The following OSBPL3 variants were observed in gnomAD, a reference collection of about 807,000 sequenced individuals.
The protein encoded by OSBPL3 is oxysterol-binding protein-related protein 3.
A neutral mutation model predicts 120.1 loss-of-function variants in OSBPL3; 65 were observed. The observed-to-expected ratio is 0.54, with a 90% CI of 0.44 to 0.67. The LOEUF (loss-of-function observed/expected upper bound fraction) is 0.67, where lower values mean the gene tolerates loss of function less well. OSBPL3 is among the 30% of genes least tolerant of loss of function. The pLI is 0.00. For missense variants in OSBPL3, 1,004 were observed against 1,082.1 expected (o/e 0.93, Z 1.01); for synonymous variants, 416 against 402.6 (o/e 1.03, Z -0.40).
chr7:24,875,942 T>C (rs192475384), intron 2 of OSBPL3, among the ~76,000 whole-genome samples: 58 of 152,288 alleles, frequency 3.8e-4, no homozygotes, highest in Admixed American at 3.8e-3. Flanking sequence ...GAAAGAATAC[T>C]AGCCCAGGAC....
chr7:24,834,432 C>T lies in OSBPL3; in HGVS notation c.1746+54G>A. 1 of 1,567,228 alleles carries T rather than the reference C, an allele frequency of 6.4e-7. No homozygotes were observed. Among genetic ancestry groups the T allele is most frequent in the Admixed American group, 1.9e-5 (1 of 53,662 alleles). ...CTCTCTGATGGGCCCCGTGAATGGC[C>T]TCGTGGCTTGGGGACCGAGGCTGGA... On this transcript the variant is annotated intron_variant, in intron 15 of 22. Transcript: ENST00000313367. The surrounding 1 kb of genome is among the most constrained non-coding windows in gnomAD (Gnocchi z 5.2).
Position 24,815,028 on chromosome 7 carries a change from G to C in OSBPL3, c.2172+31C>G. 1 of 1,610,568 alleles carries C rather than the reference G, an allele frequency of 6.2e-7. No homozygotes were observed. Among genetic ancestry groups the C allele is most frequent in the Non-Finnish European group, 8.5e-7 (1 of 1,177,092 alleles). On this transcript the variant is annotated intron_variant, in intron 19 of 22. Coordinates refer to ENST00000313367, the MANE Select transcript of OSBPL3 (RefSeq NM_015550.4). The surrounding 1 kb of genome is among the most constrained non-coding windows in gnomAD (Gnocchi z 5.1). ...CCCTGGCTCTGCCACAGCCCTTCCA[G>C]GGTCAGAGCTCAGAGAGTCACTGGA...
chr7:24,965,274 A>G lies in OSBPL3; in HGVS notation c.-150+14612T>C, dbSNP rs939401040. ...AAGGAGCAATAAATCTACAGTAAGA[A>G]AATCTAGATATAAGTATGAGCTCAA... On this transcript the variant is annotated intron_variant, in intron 1 of 22. Coordinates refer to ENST00000313367, the MANE Select transcript of OSBPL3 (RefSeq NM_015550.4). The surrounding 1 kb of genome is among the most constrained non-coding windows in gnomAD (Gnocchi z 4.3). Among the ~76,000 whole-genome samples the G allele has an allele frequency of 6.6e-6, 1 of 152,236 alleles. No homozygotes were observed. Among genetic ancestry groups the G allele is most frequent in the Non-Finnish European group, 1.5e-5 (1 of 68,034 alleles).
Position 24,922,093 on chromosome 7 carries a change from A to C in OSBPL3, c.-149-29472T>G, listed in dbSNP as rs974499108. 5.5e-4 allele frequency among the ~76,000 whole-genome samples: 84 copies of C among 152,338 alleles called. No individual in the cohort carries two copies. Among genetic ancestry groups the C allele is most frequent in the Admixed American group, 2.0e-3 (31 of 15,302 alleles). On this transcript the variant is annotated intron_variant, in intron 1 of 22. Transcript: ENST00000313367. This position sits in a 1 kb window ranked among gnomAD's most constrained non-coding sequence, Gnocchi z 4.3. ...TACTTCTAACATTGTTAGTATTGTGAATGCAATTTACTTTTTAAATACTGT... is the reference window on the plus strand; with the variant it reads ...TACTTCTAACATTGTTAGTATTGTGCATGCAATTTACTTTTTAAATACTGT...
At position 24,855,301 on chromosome 7, in the gene OSBPL3, C is replaced by T. The variant is rs143849163; in HGVS notation, c.1028-2667G>A. The stretch of plus-strand genomic sequence containing the variant: ...AAAATAAATGTGGCACTCAGCTAGC[C>T]GCCACTTTCCAAATCAATTCCTCTG... On this transcript the variant is annotated intron_variant, in intron 10 of 22. Coordinates refer to ENST00000313367, the MANE Select transcript of OSBPL3 (RefSeq NM_015550.4). This position sits in a 1 kb window ranked among gnomAD's most constrained non-coding sequence, Gnocchi z 4.3. Among the ~76,000 whole-genome samples, 73 of 152,276 alleles carry T rather than the reference C, an allele frequency of 4.8e-4. No homozygotes were observed. Among genetic ancestry groups the T allele is most frequent in the South Asian group, 1.9e-3 (9 of 4,826 alleles).
In OSBPL3 at chr7:24,872,132, G is replaced by C. The variant is rs1802208432; in HGVS notation, c.97-63C>G. ...TTTTGAAAAATAATAATGGTAAAAAGCACTGCATCCTGTCAGTAAATTTAT... is the reference window on the plus strand; with the variant it reads ...TTTTGAAAAATAATAATGGTAAAAACCACTGCATCCTGTCAGTAAATTTAT... On this transcript the variant is annotated intron_variant, in intron 2 of 22. Coordinates refer to ENST00000313367, the MANE Select transcript of OSBPL3 (RefSeq NM_015550.4). The surrounding 1 kb of genome is among the most constrained non-coding windows in gnomAD (Gnocchi z 4.1). The C allele has an allele frequency of 1.8e-6, 2 of 1,122,450 alleles. No individual in the cohort carries two copies. The highest frequency in any genetic ancestry group is 1.7e-5 in the Admixed American group (1 of 58,154). 69.5% of individuals were successfully genotyped at this position (1,122,450 alleles called of 1,614,324 possible).
intron 1 of OSBPL3, among the ~76,000 whole-genome samples, chr7:24,893,564 C>T (rs886224099): frequency 2.6e-5 from 4 of 152,068 alleles, no homozygotes; most frequent in East Asian, 1.9e-4. Context: ...GTAATCCTAA[C>T]GCTTTGGGAG....
At position 24,805,446 on chromosome 7, in the gene OSBPL3, A is replaced by G. The variant is rs1792906863; in HGVS notation, c.2445-1009T>C. On this transcript the variant is annotated intron_variant, in intron 21 of 22. Coordinates refer to ENST00000313367, the MANE Select transcript of OSBPL3 (RefSeq NM_015550.4). The surrounding 1 kb of genome is among the most constrained non-coding windows in gnomAD (Gnocchi z 4.0). ...AAACTTAAGATAAATTTAATTGAAA[A>G]TGTTCATCACAGAAATTAACAATGC... Among the ~76,000 whole-genome samples the G allele has an allele frequency of 1.3e-5, 2 of 152,158 alleles. No individual in the cohort carries two copies. Among genetic ancestry groups the G allele is most frequent in the South Asian group, 2.1e-4 (1 of 4,826 alleles).
At position 24,870,814 on chromosome 7, in the gene OSBPL3, T is replaced by G. The variant is rs781513207; in HGVS notation, c.299A>C (p.Asp100Ala). ...TACAGACATCACTGAGAGCCCGACA[T>G]CAATGCAGCCATGCAGCTTCTCTCT... ...IEREKLHGCI[D>A]VGLSVMSVKK... The change falls in exon 5 of 23, where the codon GAT (aspartate) becomes GCT (alanine). Residue 100 changes from aspartate to alanine, a missense_variant. By Grantham distance (126) the Asp-to-Ala change is moderately radical (BLOSUM62 -2). Coordinates refer to ENST00000313367, the MANE Select transcript of OSBPL3 (RefSeq NM_015550.4). 3.1e-6 allele frequency: 5 copies of G among 1,613,734 alleles called. No homozygotes were observed. The highest frequency in any genetic ancestry group is 4.2e-6 in the Non-Finnish European group (5 of 1,179,626).
rs1388298442 is a variant in OSBPL3 at position 24,818,434 on chromosome 7, ATAG to A, written c.1948+1738_1948+1740del. Among the ~76,000 whole-genome samples, 17 of 152,234 alleles carry A rather than the reference ATAG, an allele frequency of 1.1e-4. No individual in the cohort carries two copies. Among genetic ancestry groups the A allele is most frequent in the African/African-American group, 4.1e-4 (17 of 41,458 alleles). ...TGATATACAGAAGACGTATGAAAAA[ATAG>A]TAGAGAGGTTGGGAAGGGAAAATGG... is the stretch of plus-strand genomic sequence containing the variant. On this transcript the variant is annotated intron_variant, in intron 17 of 22. Transcript: ENST00000313367. This position sits in a 1 kb window ranked among gnomAD's most constrained non-coding sequence, Gnocchi z 4.0.
At chr7:24,906,241 G>C (rs1807890281) in intron 1 of OSBPL3, 1 of 269,250 alleles carries the variant, frequency 3.7e-6, no homozygotes, top group Non-Finnish European at 7.5e-6. Context: ...CTCATTCCAG[G>C]AGCAGGTCCC....
In OSBPL3 at chr7:24,798,524, A is replaced by G. The variant is rs925149788; in HGVS notation, c.*1659T>C. 2 of 152,248 alleles carry G rather than the reference A, an allele frequency of 1.3e-5. No homozygotes were observed. The highest frequency in any genetic ancestry group is 2.9e-5 in the Non-Finnish European group (2 of 68,036). The allele number at this position is 152,248 out of a possible 1,614,324, so 9.4% of individuals were successfully genotyped here. A position where few individuals can be genotyped will look rare whatever the true frequency, so the allele number is the denominator to read the frequency against. On this transcript the variant is annotated 3_prime_UTR_variant, in exon 23 of 23. Coordinates refer to ENST00000313367, the MANE Select transcript of OSBPL3 (RefSeq NM_015550.4). The surrounding 1 kb of genome is among the most constrained non-coding windows in gnomAD (Gnocchi z 4.6). ...TGGAAATGATATTCACATTGTGTTCATCTTGGCATCTCGATAAAATGAATC... is the reference window on the plus strand; with the variant it reads ...TGGAAATGATATTCACATTGTGTTCGTCTTGGCATCTCGATAAAATGAATC...
chr7:24,948,208 G>C (rs1813970034), intron 1 of OSBPL3, among the ~76,000 whole-genome samples: 1 of 152,188 alleles, frequency 6.6e-6, no homozygotes, highest in Non-Finnish European at 1.5e-5. Flanking sequence ...AGTCTTAGGA[G>C]AAGACAGAAA....
At chr7:24,865,532 A>C in intron 6 of OSBPL3, 67 bp from the exon 7 acceptor site, 1 of 1,527,670 alleles carries the variant, frequency 6.5e-7, no homozygotes, top group Non-Finnish European at 9.0e-7. Flanking sequence ...TGTTAAGACA[A>C]AGGATAACAG....
rs900228155 is a variant in OSBPL3, at chr7:24,872,460, T to A, written c.97-391A>T. On this transcript the variant is annotated intron_variant, in intron 2 of 22. Coordinates refer to ENST00000313367, the MANE Select transcript of OSBPL3 (RefSeq NM_015550.4). This position sits in a 1 kb window ranked among gnomAD's most constrained non-coding sequence, Gnocchi z 4.1. ...TTAACCGAAAGAGAGTGTGTGTGTG[T>A]GTGTGTGTGTGTGTGTGTGTGTGTG... 7.3e-5 allele frequency among the ~76,000 whole-genome samples: 11 copies of A among 151,086 alleles called. No individual in the cohort carries two copies. Among genetic ancestry groups the A allele is most frequent in the Non-Finnish European group, 1.2e-4 (8 of 67,634 alleles).
rs143191519 is a variant in OSBPL3 at position 24,819,351 on chromosome 7, A to G, written c.1948+824T>C. Among the ~76,000 whole-genome samples, 7 of 152,312 alleles carry G rather than the reference A, an allele frequency of 4.6e-5. No individual in the cohort carries two copies. In the East Asian group the frequency reaches 1.3e-3, roughly 29 times the overall value. On this transcript the variant is annotated intron_variant, in intron 17 of 22. Coordinates refer to ENST00000313367, the MANE Select transcript of OSBPL3 (RefSeq NM_015550.4). The surrounding 1 kb of genome is among the most constrained non-coding windows in gnomAD (Gnocchi z 4.1). ...TTAGGAGGCTAGGAACCTTATGAGA[A>G]TATTTCCAGAGGGTTTTGGTGAGAG...
At chr7:24,845,459 G>GTA (rs1554360926) in intron 12 of OSBPL3, among the ~76,000 whole-genome samples, 1 of 131,026 alleles carries the variant, frequency 7.6e-6, no homozygotes, top group African/African-American at 2.8e-5. Flanking sequence ...GTGTGTGTGT[G>GTA]TATGTGTGTG....
rs975293222 is a variant in OSBPL3 at position 24,899,964 on chromosome 7, C to T, written c.-149-7343G>A. On this transcript the variant is annotated intron_variant, in intron 1 of 22. Coordinates refer to ENST00000313367, the MANE Select transcript of OSBPL3 (RefSeq NM_015550.4). This position sits in a 1 kb window ranked among gnomAD's most constrained non-coding sequence, Gnocchi z 4.0. ...CGTAACTGACTTAGCCTGTAGCTTT[C>T]AACCTTTCTTATTTGACTCCAAGCC... 3.0e-4 allele frequency among the ~76,000 whole-genome samples: 46 copies of T among 152,306 alleles called. No homozygotes were observed. The highest frequency in any genetic ancestry group is 9.4e-4 in the African/African-American group (39 of 41,564).
In OSBPL3 at chr7:24,965,022, A is replaced by C. The variant is rs1457190686; in HGVS notation, c.-150+14864T>G. ...TATTGTGCTTTTCTTATTATTTGTA[A>C]TTGAGACTACTGGGCCACTAAAGTG... On this transcript the variant is annotated intron_variant, in intron 1 of 22. Transcript: ENST00000313367. This position sits in a 1 kb window ranked among gnomAD's most constrained non-coding sequence, Gnocchi z 4.3. 6.6e-6 allele frequency among the ~76,000 whole-genome samples: 1 copy of C among 152,188 alleles called. No homozygotes were observed. Among genetic ancestry groups the C allele is most frequent in the Non-Finnish European group, 1.5e-5 (1 of 68,022 alleles).
Sources: allele counts gnomAD v4.1 joint callset (sites outside exome capture counted in the v4.1 genomes callset), GRCh38; gene constraint gnomAD v4.1.1; non-coding constraint Gnocchi (gnomAD v3.1); transcripts MANE v1.5; gene names NCBI Gene and HGNC (gene_info 2026-07-23, HGNC 2026-07-21).